The following CKM variants were observed in gnomAD, a reference collection of about 807,000 sequenced individuals.
The protein encoded by CKM is creatine kinase M-type.
Under a neutral mutation model 35.4 loss-of-function variants are expected in CKM, and 28 were observed. The observed-to-expected ratio is 0.79, with a 90% confidence interval of 0.59 to 1.08. The LOEUF is 1.08. Ranked by LOEUF, CKM falls within the 50% of genes least tolerant of loss-of-function variation. CKM has a pLI of 0.00. For missense variants in CKM, 484 were observed against 509.8 expected (o/e 0.95, Z 0.49); for synonymous variants, 215 against 204.4 (o/e 1.05, Z -0.44).
At chr19:45,308,267 T>TG (rs1971073953) in intron 6 of CKM, 142 bp downstream of exon 6, 14 of 831,876 alleles carry the variant, frequency 1.7e-5, no homozygotes, top group Non-Finnish European at 2.4e-5. Context: ...GGGTTTGGCA[T>TG]GGGGTGGAGC....
At chr19:45,311,711 G>A (rs753401011) in intron 5 of CKM, 38 bp downstream of exon 5, 33 of 1,528,100 alleles carry the variant, frequency 2.2e-5, no homozygotes, top group Non-Finnish European at 2.9e-5. Flanking sequence ...GGAGGAGGCT[G>A]GGGGAAGAGG....
chr19:45,307,034 G>A, intron 7 of CKM, 106 bp from the exon 8 acceptor site: 1 of 1,104,000 alleles, frequency 9.1e-7, no homozygotes, highest in Non-Finnish European at 1.4e-6. Flanking sequence ...AGTGCCTACT[G>A]TGTAACAGGT....
intron 5 of CKM, among the ~76,000 whole-genome samples, chr19:45,309,058 T>C (rs568054604): frequency 6.8e-6 from 1 of 147,692 alleles, no homozygotes; most frequent in African/African-American, 2.5e-5. Flanking sequence ...AAACCCTGTC[T>C]CTACTAAAAA....
chr19:45,315,479 T>C lies in CKM; in HGVS notation c.467A>G (p.Lys156Arg), dbSNP rs767872826. 3.8e-6 allele frequency: 6 copies of C among 1,599,100 alleles called. No homozygotes were observed. The East Asian group carries it at 1.3e-4, about 36-fold the overall frequency. ...CSRGERRAVEKLSVEALNSLT... is the reference protein window; with the variant it reads ...CSRGERRAVERLSVEALNSLT... ...GGGGCGCTCACCTTCCACAGAGAGCTTCTCCACCGCCCGGCGCTCGCCACG... is the reference window on the plus strand; with the variant it reads ...GGGGCGCTCACCTTCCACAGAGAGCCTCTCCACCGCCCGGCGCTCGCCACG... The change falls in exon 4 of 8, where the codon AAG (lysine) becomes AGG (arginine). Residue 156 changes from lysine (K) to arginine (R), a missense_variant. Lys to Arg is a conservative substitution (Grantham distance 26). Coordinates refer to ENST00000221476, the MANE Select transcript of CKM (RefSeq NM_001824.5).
chr19:45,307,761 A>T, intron 6 of CKM, 111 bp from the exon 7 acceptor site: 3 of 817,968 alleles, frequency 3.7e-6, no homozygotes, highest in Non-Finnish European at 6.0e-6. Flanking sequence ...TGGAGGTGGG[A>T]TTCTGAGGGG....
At chr19:45,311,586 A>G (rs943663408) in intron 5 of CKM, among the ~76,000 whole-genome samples, 163 bp downstream of exon 5, 1 of 152,182 alleles carries the variant, frequency 6.6e-6, no homozygotes, top group African/African-American at 2.4e-5. Flanking sequence ...TGACACACAG[A>G]CCACAGGATG....
intron 3 of CKM, among the ~76,000 whole-genome samples, chr19:45,316,664 C>G (rs945125728): frequency 4.6e-5 from 7 of 151,870 alleles, no homozygotes; most frequent in Non-Finnish European, 8.8e-5. Flanking sequence ...CTCCCACTCT[C>G]CTTGTCTGTG....
At chr19:45,320,031 C>T (rs371798207) in intron 1 of CKM, among the ~76,000 whole-genome samples, 45 of 152,058 alleles carry the variant, frequency 3.0e-4, no homozygotes, top group Admixed American at 5.9e-4. Flanking sequence ...CCTTGTGATC[C>T]GCCCGCCTCG....
intron 1 of CKM, among the ~76,000 whole-genome samples, chr19:45,320,041 G>T (rs976100592): frequency 1.3e-5 from 2 of 151,534 alleles, no homozygotes; most frequent in African/African-American, 4.9e-5. Flanking sequence ...CGCCCGCCTC[G>T]GCCTCCCAAA....
intron 2 of CKM, among the ~76,000 whole-genome samples, chr19:45,319,210 C>T (rs1036429303): frequency 2.0e-5 from 3 of 152,202 alleles, no homozygotes; most frequent in Non-Finnish European, 2.9e-5. Flanking sequence ...CTAAGCACTG[C>T]ACAGCCATTG....
At position 45,315,606 on chromosome 19, in the gene CKM, C is replaced by G; in HGVS notation, c.349-9G>C. 1 of 1,602,704 alleles carries G rather than the reference C, an allele frequency of 6.2e-7. No homozygotes were observed. Among genetic ancestry groups the G allele is most frequent in the Non-Finnish European group, 8.5e-7 (1 of 1,179,862 alleles). ...TCCAGGTCGTCTCCACCCTGGAGAG[C>G]GGGTGGGAGATCAGGACCAGGCAGA... On this transcript the variant is annotated splice_polypyrimidine_tract_variant and intron_variant, in intron 3 of 7. Coordinates refer to ENST00000221476, the MANE Select transcript of CKM (RefSeq NM_001824.5).
rs765099470 is a variant in CKM, at chr19:45,317,847, T to C, written c.326A>G (p.Asp109Gly). 3 of 1,613,774 alleles carry C rather than the reference T, an allele frequency of 1.9e-6. No individual in the cohort carries two copies. The highest frequency in any genetic ancestry group is 2.5e-6 in the Non-Finnish European group (3 of 1,179,966). ...GYKPTDKHKT[D>G]LNHENLKGGD... ...GACCTTGAGGTTTTCATGGTTGAGG[T>C]CAGTCTTGTGCTTGTCAGTGGGTTT... is the stretch of plus-strand genomic sequence containing the variant. Residue 109 changes from aspartate (D) to glycine (G), a missense_variant, in exon 3 of 8, where the codon GAC becomes GGC. Transcript: ENST00000221476.
chr19:45,321,226 C>T (rs1348482891), intron 1 of CKM, among the ~76,000 whole-genome samples: 2 of 151,012 alleles, frequency 1.3e-5, no homozygotes, highest in Non-Finnish European at 2.9e-5. Context: ...TTTAAAGGTT[C>T]GTGCGAGGAG....
chr19:45,312,490 T>A (rs1971119576), intron 4 of CKM, among the ~76,000 whole-genome samples: 2 of 152,070 alleles, frequency 1.3e-5, no homozygotes, highest in South Asian at 4.2e-4. Context: ...TGGCGCGATC[T>A]TGGCTCACTG....
At position 45,306,804 on chromosome 19, in the gene CKM, CTCCATT is replaced by C. The variant is rs1405276346; in HGVS notation, c.1086_1091del (p.Met363_Glu364del). On this transcript the variant is annotated inframe_deletion, in exon 8 of 8. Coordinates refer to ENST00000221476, the MANE Select transcript of CKM (RefSeq NM_001824.5). The surrounding 1 kb of genome is among the most constrained non-coding windows in gnomAD (Gnocchi z 4.5). The stretch of plus-strand genomic sequence containing the variant: ...TGGACTGGCCTTTCTCCAACTTCTT[CTCCATT>C]TCCACCATGAGCTTCACACCATCCA... The C allele has an allele frequency of 6.2e-7, 1 of 1,614,098 alleles. No individual in the cohort carries two copies. Among genetic ancestry groups the C allele is most frequent in the East Asian group, 2.2e-5 (1 of 44,896 alleles).
At chr19:45,316,404 T>C (rs945156845) in intron 3 of CKM, among the ~76,000 whole-genome samples, 2 of 150,770 alleles carry the variant, frequency 1.3e-5, no homozygotes, top group Non-Finnish European at 3.0e-5. Flanking sequence ...GCTCAAACAG[T>C]CCTCCTGCCT....
intron 4 of CKM, among the ~76,000 whole-genome samples, chr19:45,312,972 A>G (rs993194819): frequency 2.0e-5 from 3 of 151,950 alleles, no homozygotes; most frequent in African/African-American, 7.2e-5. Context: ...AAAAAGAAAA[A>G]AAATTGTGTG....
chr19:45,308,280 G>A (rs1177693327), intron 6 of CKM, 129 bp downstream of exon 6: 1 of 1,198,854 alleles, frequency 8.3e-7, no homozygotes, highest in South Asian at 1.3e-5. Context: ...GGTGGAGCCA[G>A]GTCCGGGGGG....
In CKM at chr19:45,311,776, C is replaced by A. The variant is rs937525601; in HGVS notation, c.626G>T (p.Arg209Leu). ...GATGCCACGGGCGTCGGGCCAGTCGCGGGCCATGCCTGAGGCCAGCAGCAG... is the reference window on the plus strand; with the variant it reads ...GATGCCACGGGCGTCGGGCCAGTCGAGGGCCATGCCTGAGGCCAGCAGCAG... ...SPLLLASGMA[R>L]DWPDARGIWH... The change falls in exon 5 of 8, where the codon CGC becomes CTC. Residue 209 changes from arginine to leucine, a missense_variant. Arg to Leu is a moderately radical substitution (Grantham distance 102). Coordinates refer to ENST00000221476, the MANE Select transcript of CKM (RefSeq NM_001824.5). 8.1e-6 allele frequency: 13 copies of A among 1,599,302 alleles called. No homozygotes were observed. Among genetic ancestry groups the A allele is most frequent in the South Asian group, 2.2e-5 (2 of 89,368 alleles).
Sources: allele counts gnomAD v4.1 joint callset (sites outside exome capture counted in the v4.1 genomes callset), GRCh38; gene constraint gnomAD v4.1.1; non-coding constraint Gnocchi (gnomAD v3.1); transcripts MANE v1.5; gene names NCBI Gene and HGNC (gene_info 2026-07-23, HGNC 2026-07-21).